Variants in RUNX2 observed in about 807,000 individuals in gnomAD.
RUNX2 encodes the protein runt-related transcription factor 2.
A neutral mutation model predicts 51.7 loss-of-function variants in RUNX2; 10 were observed. That is an observed-to-expected ratio of 0.19 (90% CI 0.12 to 0.33). RUNX2 has a LOEUF of 0.33. Among genes scored for constraint, RUNX2 ranks in the 10% least tolerant of loss-of-function variants. The pLI, the probability that RUNX2 is intolerant of heterozygous loss-of-function variation, is 1.00. For missense variants in RUNX2, 562 were observed against 691.3 expected, an observed-to-expected ratio of 0.81 and a Z score of 2.10; for synonymous variants, 276 against 273.6, an observed-to-expected ratio of 1.01 and a Z score of -0.09.
chr6:45,454,598 C>T (rs1799267868), intron 5 of RUNX2, among the ~76,000 whole-genome samples: 2 of 152,278 alleles, frequency 1.3e-5, no homozygotes, highest in South Asian at 4.1e-4. Flanking sequence ...TTATAAATGT[C>T]TCCTTTCATT....
chr6:45,328,445 G>T lies in RUNX2; in HGVS notation c.-82G>T. ...TCTCCGCAGGTCACTACCAGCCACC[G>T]AGACCAACAGAGTCAGTGAGTGCTC... On this transcript the variant is annotated 5_prime_UTR_variant, in exon 1 of 9. It introduces an in-frame stop codon into an upstream open reading frame of the 5' UTR. Coordinates refer to ENST00000647337, the MANE Select transcript of RUNX2 (RefSeq NM_001024630.4). 1 of 1,457,230 alleles carries T rather than the reference G, an allele frequency of 6.9e-7. No homozygotes were observed. The allele number at this position is 1,457,230 out of a possible 1,614,324, so 90.3% of individuals were successfully genotyped here.
At chr6:45,468,422 G>A (rs547457183) in intron 5 of RUNX2, among the ~76,000 whole-genome samples, 1 of 152,308 alleles carries the variant, frequency 6.6e-6, no homozygotes, top group African/African-American at 2.4e-5. Flanking sequence ...TTGAACATGT[G>A]TAAAACCACC....
intron 6 of RUNX2, among the ~76,000 whole-genome samples, chr6:45,502,977 T>TA (rs1800842092): frequency 6.6e-6 from 1 of 152,146 alleles, no homozygotes; most frequent in Non-Finnish European, 1.5e-5. Flanking sequence ...ATCAAGTACA[T>TA]AAAAAAATGA....
intron 5 of RUNX2, among the ~76,000 whole-genome samples, chr6:45,482,821 T>G (rs1328423985): frequency 6.6e-6 from 1 of 152,234 alleles, no homozygotes; most frequent in Admixed American, 6.5e-5. Context: ...CTGGAAAGGC[T>G]TTAGACCTGT....
intron 2 of RUNX2, among the ~76,000 whole-genome samples, chr6:45,394,957 TG>T (rs981088284): frequency 3.7e-4 from 56 of 152,222 alleles, no homozygotes; most frequent in African/African-American, 1.3e-3. Flanking sequence ...AATGGGTGTG[TG>T]TGGGGGGGAG....
chr6:45,543,767 C>G (rs1208488982), intron 7 of RUNX2, among the ~76,000 whole-genome samples: 1 of 151,988 alleles, frequency 6.6e-6, no homozygotes, highest in African/African-American at 2.4e-5. Flanking sequence ...AAAAGAAAAC[C>G]TGAGTTCATG....
intron 7 of RUNX2, among the ~76,000 whole-genome samples, chr6:45,544,606 G>T (rs901673503): frequency 6.6e-6 from 1 of 152,180 alleles, no homozygotes; most frequent in Admixed American, 6.5e-5. Context: ...TTTTAAGTGC[G>T]ACTTCTTTCT....
intron 5 of RUNX2, among the ~76,000 whole-genome samples, chr6:45,461,477 A>G (rs750293913): frequency 1.3e-5 from 2 of 152,258 alleles, no homozygotes; most frequent in Non-Finnish European, 2.9e-5. Flanking sequence ...CCCCAGTGTG[A>G]TGAGACCCAG....
intron 7 of RUNX2, 71 bp downstream of exon 7, chr6:45,512,478 G>T: frequency 6.5e-7 from 1 of 1,530,880 alleles, no homozygotes; most frequent in Non-Finnish European, 9.0e-7. Flanking sequence ...GGCTGAGCCT[G>T]TCTCATCCAT....
rs398048486 is a variant in RUNX2 at position 45,399,349 on chromosome 6, C to CTTTTT, written c.59-23220_59-23216dup. Among the ~76,000 whole-genome samples the CTTTTT allele has an allele frequency of 1.6e-3, 94 of 57,380 alleles. 14 individuals carry two copies. Among genetic ancestry groups the CTTTTT allele is most frequent in the Non-Finnish European group, 2.6e-3 (76 of 29,040 alleles). The allele number at this position is 57,380 out of a possible 152,430, so 37.6% of individuals were successfully genotyped here. On this transcript the variant is annotated intron_variant, in intron 2 of 8. Transcript: ENST00000647337. ...CTTTCTCATTTCTTTCTTTTCTTTC[C>CTTTTT]TTTTTTTTTTTTTTTTTTTTTTTTT...
intron 2 of RUNX2, among the ~76,000 whole-genome samples, chr6:45,410,735 G>GA (rs954226866): frequency 2.0e-5 from 3 of 151,882 alleles, no homozygotes; most frequent in Non-Finnish European, 2.9e-5. Context: ...AACCAAGACG[G>GA]AAAAAAAATA....
intron 2 of RUNX2, among the ~76,000 whole-genome samples, chr6:45,344,856 G>A (rs1436704847): frequency 1.3e-5 from 2 of 152,064 alleles, no homozygotes; most frequent in African/African-American, 2.4e-5. Flanking sequence ...CAAGGGAGAC[G>A]GTAAAACTAA....
At chr6:45,505,406 A>G (rs1800935977) in intron 6 of RUNX2, among the ~76,000 whole-genome samples, 1 of 148,230 alleles carries the variant, frequency 6.7e-6, no homozygotes, top group African/African-American at 2.5e-5. Flanking sequence ...TCTCAATATA[A>G]CTCCAAGTGT....
chr6:45,512,386 G>C lies in RUNX2; in HGVS notation c.1000G>C (p.Asp334His), dbSNP rs373752642. Residue 334 changes from aspartate (D) to histidine (H), a missense_variant, in exon 7 of 9, where the codon GAT becomes CAT. Physicochemically the swap from Asp to His is moderately conservative, Grantham distance 81. Around this residue, in one of 5 missense-constraint regions of RUNX2, gnomAD observed 304 missense variants for 353.2 expected, o/e 0.86. Transcript: ENST00000647337. ...GGGCACTGGGCTTCCTGCCATCACCGATGTGCCTAGGCGCATTTCAGGTAA... is the reference window on the plus strand; with the variant it reads ...GGGCACTGGGCTTCCTGCCATCACCCATGTGCCTAGGCGCATTTCAGGTAA... ...TRGTGLPAIT[D>H]VPRRISDDDT... The C allele has an allele frequency of 6.2e-7, 1 of 1,613,946 alleles. No homozygotes were observed.
At chr6:45,438,609 T>C (rs1296080827) in intron 5 of RUNX2, among the ~76,000 whole-genome samples, 1 of 152,242 alleles carries the variant, frequency 6.6e-6, no homozygotes, top group Non-Finnish European at 1.5e-5. Flanking sequence ...AGTTTTCTTT[T>C]AACAGATAGA....
chr6:45,534,036 A>T (rs887405765), intron 7 of RUNX2, among the ~76,000 whole-genome samples: 2 of 151,824 alleles, frequency 1.3e-5, no homozygotes, highest in East Asian at 3.9e-4. Context: ...CTGGGACTAC[A>T]GGTGCCCGCC....
chr6:45,331,922 T>G (rs1408650940), intron 2 of RUNX2, among the ~76,000 whole-genome samples: 1 of 151,990 alleles, frequency 6.6e-6, no homozygotes, highest in East Asian at 1.9e-4. Context: ...AATGTTCCAG[T>G]TTGTTAAAAG....
intron 2 of RUNX2, among the ~76,000 whole-genome samples, chr6:45,360,042 C>T (rs537122195): frequency 6.6e-6 from 1 of 152,216 alleles, no homozygotes; most frequent in African/African-American, 2.4e-5. Flanking sequence ...AGTAGTCACA[C>T]ATAAACTGTT....
chr6:45,492,164 G>A (rs149840350), intron 6 of RUNX2, 50 bp downstream of exon 6: 1 of 1,582,626 alleles, frequency 6.3e-7, no homozygotes, highest in Non-Finnish European at 8.7e-7. Flanking sequence ...CAGGCTGGGG[G>A]TGAGGGGCTA....
Sources: allele counts gnomAD v4.1 joint callset (sites outside exome capture counted in the v4.1 genomes callset), GRCh38; gene constraint gnomAD v4.1.1; regional missense constraint gnomAD v4.1.1; transcripts MANE v1.5; gene names NCBI Gene and HGNC (gene_info 2026-07-23, HGNC 2026-07-21).